The following ZBBX variants were observed in gnomAD, a reference collection of about 807,000 sequenced individuals.
ZBBX encodes the protein zinc finger B-box domain containing.
ZBBX carries 101 observed loss-of-function variants against 108.5 expected under a neutral mutation model. The ratio of observed to expected loss-of-function variants is 0.93; its 90% CI spans 0.79 to 1.10. ZBBX has a LOEUF of 1.10. Among genes scored for constraint, ZBBX ranks in the 50% least tolerant of loss-of-function variants. The pLI is 0.00. For missense variants in ZBBX, 1,009 were observed against 941.4 expected (o/e 1.07, Z -0.94); for synonymous variants, 356 against 323.4 (o/e 1.10, Z -1.08).
At chr3:167,296,385 G>A (rs916315231) in intron 18 of ZBBX, among the ~76,000 whole-genome samples, 8 of 151,930 alleles carry the variant, frequency 5.3e-5, no homozygotes, top group African/African-American at 1.4e-4. Context: ...TAAGTAGCCA[G>A]AACAGACAAG....
chr3:167,181,542 T>C, the ZBBX span, among the ~76,000 whole-genome samples: 1 of 152,342 alleles, frequency 6.6e-6, no homozygotes, highest in South Asian at 2.1e-4. Context: ...TACATTTCTT[T>C]CCCTGAATAG....
chr3:167,183,069 G>A, the ZBBX span, among the ~76,000 whole-genome samples: 1 of 152,240 alleles, frequency 6.6e-6, no homozygotes, highest in African/African-American at 2.4e-5. Flanking sequence ...GATCTGGAGG[G>A]TTAGCCACTC....
chr3:167,257,684 T>G (rs1278288864), intron 20 of ZBBX, among the ~76,000 whole-genome samples: 1 of 152,114 alleles, frequency 6.6e-6, no homozygotes, highest in Non-Finnish European at 1.5e-5. Flanking sequence ...TGTATCACAT[T>G]GATTATGGCC....
At chr3:167,191,968 CTTAGA>C in the ZBBX span, among the ~76,000 whole-genome samples, 1 of 124,820 alleles carries the variant, frequency 8.0e-6, no homozygotes, top group Admixed American at 9.1e-5. Flanking sequence ...GTCAGCTTAT[CTTAGA>C]TAACAAAAAA....
chr3:167,187,067 TA>T, the ZBBX span, among the ~76,000 whole-genome samples: 5 of 152,078 alleles, frequency 3.3e-5, no homozygotes, highest in Non-Finnish European at 2.9e-5. Context: ...TTTTGCAGAG[TA>T]AAAAATTCTA....
Position 167,323,239 on chromosome 3 carries a change from G to C in ZBBX, c.863-1002C>G, listed in dbSNP as rs1298999936. On this transcript the variant is annotated intron_variant, in intron 11 of 21. Transcript: ENST00000675490. ...ATTTCTTGACAGGAGAGCTAAAAGAGGGGGGGGGGGGAAAGAACTCTTTTG... is the reference window on the plus strand; with the variant it reads ...ATTTCTTGACAGGAGAGCTAAAAGACGGGGGGGGGGGAAAGAACTCTTTTG... Among the ~76,000 whole-genome samples the C allele has an allele frequency of 1.7e-3, 34 of 20,354 alleles. 2 individuals carry two copies. Among genetic ancestry groups the C allele is most frequent in the African/African-American group, 4.4e-3 (33 of 7,582 alleles). The allele number at this position is 20,354 out of a possible 152,430, so 13.4% of individuals were successfully genotyped here.
chr3:167,213,971 AG>A, the ZBBX span, among the ~76,000 whole-genome samples: 2 of 152,180 alleles, frequency 1.3e-5, no homozygotes, highest in African/African-American at 4.8e-5. Context: ...GATCCTTTTC[AG>A]ATAAGCAAAT....
chr3:167,242,616 G>A lies in ZBBX; in HGVS notation c.2282C>T (p.Thr761Ile), dbSNP rs374545588. The A allele has an allele frequency of 3.7e-6, 6 of 1,612,306 alleles. No individual in the cohort carries two copies. The highest frequency in any genetic ancestry group is 5.1e-6 in the Non-Finnish European group (6 of 1,179,466). Residue 761 changes from threonine (T) to isoleucine (I), a missense_variant, in exon 21 of 22, where the codon ACC becomes ATC. Physicochemically the swap from Thr to Ile is moderately conservative, Grantham distance 89 (BLOSUM62 -1). Transcript: ENST00000675490. Reference sequence around the variant, plus strand: ...GCTGAAATCTGGGAACTCTTCTGAGGTTAAGCTGTAAAGCTTTTCTGAAGT... The same window carrying A: ...GCTGAAATCTGGGAACTCTTCTGAGATTAAGCTGTAAAGCTTTTCTGAAGT... ...ADTSEKLYSL[T>I]SEEFPDFSSQ... is the part of the protein sequence containing the mutation.
intron 14 of ZBBX, among the ~76,000 whole-genome samples, chr3:167,316,254 T>C (rs1489452743): frequency 6.6e-6 from 1 of 152,036 alleles, no homozygotes; most frequent in African/African-American, 2.4e-5. Flanking sequence ...AAAATGTTGT[T>C]AGCCAAAAAA....
intron 20 of ZBBX, among the ~76,000 whole-genome samples, chr3:167,261,989 C>A (rs1302606912): frequency 6.6e-6 from 1 of 152,132 alleles, no homozygotes; most frequent in Non-Finnish European, 1.5e-5. Context: ...GCAGGAATGG[C>A]CTGGTAGGTG....
chr3:167,180,542 TTTC>T, the ZBBX span, among the ~76,000 whole-genome samples: 1 of 152,182 alleles, frequency 6.6e-6, no homozygotes, highest in Non-Finnish European at 1.5e-5. Flanking sequence ...TGGAATAATA[TTTC>T]TTGAGTGGGG....
intron 1 of ZBBX, among the ~76,000 whole-genome samples, chr3:167,386,763 A>C (rs748008147): frequency 9.9e-5 from 15 of 152,030 alleles, no homozygotes; most frequent in Admixed American, 5.9e-4. Context: ...AAGTTTCAAT[A>C]AGTGTATCAT....
At chr3:167,220,589 C>A in the ZBBX span, among the ~76,000 whole-genome samples, 2 of 151,866 alleles carry the variant, frequency 1.3e-5, no homozygotes, top group Non-Finnish European at 2.9e-5. Context: ...CATATCTCAA[C>A]ACAATAAAAG....
chr3:167,339,878 T>A (rs566534478), intron 9 of ZBBX, among the ~76,000 whole-genome samples: 1 of 152,164 alleles, frequency 6.6e-6, no homozygotes, highest in South Asian at 2.1e-4. Context: ...GTCCATGTGT[T>A]CTCATTGTTC....
At chr3:167,227,020 A>G in the ZBBX span, among the ~76,000 whole-genome samples, 9 of 151,840 alleles carry the variant, frequency 5.9e-5, no homozygotes, top group Non-Finnish European at 1.5e-5. Context: ...AATTGCAGGA[A>G]GATGTTTACA....
At chr3:167,254,269 T>C (rs1723090751) in intron 20 of ZBBX, among the ~76,000 whole-genome samples, 1 of 152,154 alleles carries the variant, frequency 6.6e-6, no homozygotes, top group South Asian at 2.1e-4. Context: ...AAGGAGGGTG[T>C]GTATGTGCAT....
the ZBBX span, among the ~76,000 whole-genome samples, chr3:167,221,323 A>G: frequency 6.6e-6 from 1 of 151,880 alleles, no homozygotes. Context: ...ACAGACACAT[A>G]GACCAATGGA....
chr3:167,406,563 A>G (rs1323638708), intron 1 of ZBBX, among the ~76,000 whole-genome samples: 1 of 152,214 alleles, frequency 6.6e-6, no homozygotes, highest in Non-Finnish European at 1.5e-5. Context: ...TACCCAAATT[A>G]CAAAAGAATT....
At chr3:167,399,156 GCACT>G (rs751630034) in intron 1 of ZBBX, among the ~76,000 whole-genome samples, 2 of 151,780 alleles carry the variant, frequency 1.3e-5, no homozygotes, top group Non-Finnish European at 2.9e-5. Flanking sequence ...ACTCACTCAT[GCACT>G]CACTCATTCA....
Sources: gnomAD v4.1 joint callset for allele counts (sites outside exome capture counted in the v4.1 genomes callset) on GRCh38, gnomAD v4.1.1 for gene constraint, MANE v1.5 for transcripts, NCBI Gene and HGNC (gene_info 2026-07-23, HGNC 2026-07-21) for gene names.